The following MYH14 variants were observed in gnomAD, a reference collection of about 807,000 sequenced individuals.
MYH14 encodes myosin heavy chain 14.
Under a neutral mutation model 255.5 loss-of-function variants are expected in MYH14, and 123 were observed. That is an observed-to-expected ratio of 0.48 (90% CI 0.42 to 0.56). The LOEUF is 0.56. Among genes scored for constraint, MYH14 ranks in the 20% least tolerant of loss-of-function variants. The pLI is 0.00. For synonymous variants in MYH14, 1,095 were observed against 1,161.2 expected (o/e 0.94, Z 1.16); for missense variants, 2,423 against 2,802.3 (o/e 0.86, Z 3.06).
intron 37 of MYH14, among the ~76,000 whole-genome samples, chr19:50,292,800 A>G (rs1030975166): frequency 2.0e-5 from 3 of 151,592 alleles, no homozygotes; most frequent in Non-Finnish European, 4.4e-5. Context: ...GGGGAGAGAG[A>G]GAGAGATTGA....
intron 39 of MYH14, among the ~76,000 whole-genome samples, chr19:50,297,166 A>G (rs1019412927): frequency 6.6e-6 from 1 of 151,970 alleles, no homozygotes; most frequent in African/African-American, 2.4e-5. Flanking sequence ...TTGTATTTTT[A>G]ATAGGGAGGG....
chr19:50,210,927 G>A (rs2032162700), intron 2 of MYH14, among the ~76,000 whole-genome samples, 157 bp downstream of exon 2: 1 of 152,212 alleles, frequency 6.6e-6, no homozygotes, highest in Non-Finnish European at 1.5e-5. Context: ...GCCAAATTAT[G>A]AATTGTTGGA....
In MYH14 at chr19:50,250,498, C is replaced by A. The variant is rs4802677; in HGVS notation, c.1657-17C>A. ...TGTGGGGATCTGACTTACTCTCCCC[C>A]TGCTGTCAATGGCCAGGCCAACCCC... On this transcript the variant is annotated splice_polypyrimidine_tract_variant and intron_variant, in intron 14 of 42. Transcript: ENST00000642316. The surrounding 1 kb of genome is among the most constrained non-coding windows in gnomAD (Gnocchi z 5.4). 6.2e-7 allele frequency: 1 copy of A among 1,609,558 alleles called. No individual in the cohort carries two copies. Among genetic ancestry groups the A allele is most frequent in the Admixed American group, 1.7e-5 (1 of 59,302 alleles).
rs573606303 is a variant in MYH14 at position 50,215,579 on chromosome 19, G to A, written c.406-2036G>A. On this transcript the variant is annotated intron_variant, in intron 2 of 42. Transcript: ENST00000642316. Reference sequence around the variant, plus strand: ...TCATGCCTGTAATCCCAGGCATGCCGGGGTGGGAAGATCACTTGAGCCAGG... The same window carrying A: ...TCATGCCTGTAATCCCAGGCATGCCAGGGTGGGAAGATCACTTGAGCCAGG... Among the ~76,000 whole-genome samples, 7 of 152,316 alleles carry A rather than the reference G, an allele frequency of 4.6e-5. No individual in the cohort carries two copies. In the South Asian group the frequency reaches 6.2e-4, roughly 14 times the overall value.
At position 50,293,313 on chromosome 19, in the gene MYH14, C is replaced by T. The variant is rs749094049; in HGVS notation, c.5337C>T (p.Asn1779=). 6.2e-7 allele frequency: 1 copy of T among 1,604,024 alleles called. No homozygotes were observed. The highest frequency in any genetic ancestry group is 1.1e-5 in the South Asian group (1 of 89,074). Reference sequence around the variant, plus strand: ...TGGCAGATGAGGTGGCCAATGGTAACCTTAGCAAGTAAGTGCCCCAAGGGT... The same window carrying T: ...TGGCAGATGAGGTGGCCAATGGTAATCTTAGCAAGTAAGTGCCCCAAGGGT... ...DEMADEVANG[N]LSKAAILEEK... The change falls in exon 38 of 43, where the codon AAC becomes AAT. Residue 1779 remains asparagine (N), a synonymous_variant. Coordinates refer to ENST00000642316, the MANE Select transcript of MYH14 (RefSeq NM_001145809.2). This position sits in a 1 kb window ranked among gnomAD's most constrained non-coding sequence, Gnocchi z 4.1.
chr19:50,309,040 G>T lies in MYH14; in HGVS notation c.5823G>T (p.Lys1941Asn). Reference sequence around the variant, plus strand: ...GAAACCTTCGAGTCAAGCAGCTGAAGCGGCAGCTGGAGGAGGCCGAGGAGG... The same window carrying T: ...GAAACCTTCGAGTCAAGCAGCTGAATCGGCAGCTGGAGGAGGCCGAGGAGG... ...EKGNLRVKQL[K>N]RQLEEAEEEA... The change falls in exon 42 of 43, where the codon AAG becomes AAT. Residue 1941 changes from lysine to asparagine, a missense_variant. Transcript: ENST00000642316. 1 of 1,613,330 alleles carries T rather than the reference G, an allele frequency of 6.2e-7. No individual in the cohort carries two copies. Among genetic ancestry groups the T allele is most frequent in the East Asian group, 2.2e-5 (1 of 44,866 alleles).
At chr19:50,260,822 AGT>A (rs140241247) in intron 20 of MYH14, 107 bp downstream of exon 20, 26 of 746,504 alleles carry the variant, frequency 3.5e-5, no homozygotes, top group Non-Finnish European at 5.4e-5. Context: ...TGTGTGTGCA[AGT>A]GTGTGTGCAT....
intron 34 of MYH14, 44 bp from the exon 35 acceptor site, chr19:50,289,392 C>G: frequency 6.5e-7 from 1 of 1,527,486 alleles, no homozygotes; most frequent in Non-Finnish European, 8.9e-7. Context: ...CTAACCTCCT[C>G]TGCCTCAGTG....
intron 12 of MYH14, among the ~76,000 whole-genome samples, chr19:50,248,270 G>A (rs2034212786): frequency 6.6e-6 from 1 of 152,084 alleles, no homozygotes; most frequent in Admixed American, 6.5e-5. Flanking sequence ...GGAGTGACTT[G>A]ATTCAGTTTG....
intron 3 of MYH14, among the ~76,000 whole-genome samples, chr19:50,222,352 C>A (rs368429318): frequency 2.0e-5 from 3 of 151,666 alleles, no homozygotes; most frequent in Non-Finnish European, 4.4e-5. Context: ...TGGTGGTGGG[C>A]GCCTCTAGTC....
rs12461943 is a variant in MYH14, at chr19:50,221,988, T to C, written c.563-1095T>C. Among the ~76,000 whole-genome samples the C allele has an allele frequency of 0.05, 7,558 of 152,144 alleles. 282 individuals are homozygous for C. Among genetic ancestry groups the C allele is most frequent in the Admixed American group, 0.1 (1,574 of 15,270 alleles). On this transcript the variant is annotated intron_variant, in intron 3 of 42. Transcript: ENST00000642316. The surrounding 1 kb of genome is among the most constrained non-coding windows in gnomAD (Gnocchi z 5.3). ...AACACCAGGGTTTTGGAATCCTGGC[T>C]CTACTGACATTTGGGGCTGGATGAT...
intron 3 of MYH14, among the ~76,000 whole-genome samples, chr19:50,218,959 G>A (rs1472986549): frequency 6.6e-6 from 1 of 151,010 alleles, no homozygotes; most frequent in Non-Finnish European, 1.5e-5. Context: ...TTATGGCTGA[G>A]TAGTATTCCA....
In MYH14 at chr19:50,266,969, C is replaced by A. The variant is rs867271424; in HGVS notation, c.2787C>A (p.Ser929Arg). 6.4e-7 allele frequency: 1 copy of A among 1,567,018 alleles called. No homozygotes were observed. The highest frequency in any genetic ancestry group is 1.8e-4 in the Middle Eastern group (1 of 5,626). ...LQKVQELQQQ[S>R]AREVGELQGR... ...AAGTGCAGGAGCTACAGCAGCAGAG[C>A]GCCCGCGAAGTTGGGGAGCTCCAGG... The change falls in exon 23 of 43, where the codon AGC (serine) becomes AGA (arginine). Residue 929 changes from serine (S) to arginine (R), a missense_variant. Ser to Arg is a moderately radical substitution (Grantham distance 110). Transcript: ENST00000642316. This position sits in a 1 kb window ranked among gnomAD's most constrained non-coding sequence, Gnocchi z 4.1.
At chr19:50,275,598 G>A (rs1170322173) in intron 27 of MYH14, among the ~76,000 whole-genome samples, 1 of 152,176 alleles carries the variant, frequency 6.6e-6, no homozygotes, top group Non-Finnish European at 1.5e-5. Flanking sequence ...AGGCCGAGGT[G>A]GGAGGATGAC....
intron 12 of MYH14, 76 bp from the exon 13 acceptor site, chr19:50,248,911 T>C (rs2034240586): frequency 6.5e-7 from 1 of 1,535,570 alleles, no homozygotes; most frequent in Non-Finnish European, 8.9e-7. Flanking sequence ...CTGGGGGCCC[T>C]TCCCCGGTTC....
At position 50,259,098 on chromosome 19, in the gene MYH14, C is replaced by T. The variant is rs1021997125; in HGVS notation, c.2233-46C>T. The T allele has an allele frequency of 7.2e-6, 11 of 1,528,978 alleles. No homozygotes were observed. The South Asian group carries it at 1.1e-4, about 15-fold the overall frequency. 94.7% of individuals were successfully genotyped at this position (1,528,978 alleles called of 1,614,324 possible). ...TGCCAAGCTTGACCGTTTGGCGCCC[C>T]CGTGTGGCCGCCGCTGACCCCCGCG... On this transcript the variant is annotated intron_variant, in intron 18 of 42. Transcript: ENST00000642316.
intron 39 of MYH14, among the ~76,000 whole-genome samples, chr19:50,300,405 T>A (rs1288725571): frequency 6.6e-6 from 1 of 152,208 alleles, no homozygotes; most frequent in African/African-American, 2.4e-5. Flanking sequence ...TTACTGATTT[T>A]TTTTATTTGA....
chr19:50,244,377 C>T (rs756468361), intron 11 of MYH14, 40 bp downstream of exon 11: 59 of 1,571,688 alleles, frequency 3.8e-5, no homozygotes, highest in Non-Finnish European at 4.5e-5. Flanking sequence ...CTCCAGCCCC[C>T]GCCCAGGTGG....
chr19:50,289,352 A>AT, intron 34 of MYH14, 84 bp from the exon 35 acceptor site: 1 of 1,148,960 alleles, frequency 8.7e-7, no homozygotes, highest in Non-Finnish European at 1.3e-6. Flanking sequence ...CCCATCCTCC[A>AT]TCAAATCTTC....
Sources: allele counts gnomAD v4.1 joint callset (sites outside exome capture counted in the v4.1 genomes callset), GRCh38; gene constraint gnomAD v4.1.1; non-coding constraint Gnocchi (gnomAD v3.1); transcripts MANE v1.5; gene names NCBI Gene and HGNC (gene_info 2026-07-23, HGNC 2026-07-21).